HJV: variants seen among roughly 807,000 people sequenced by gnomAD.
HJV encodes the protein hemojuvelin.
Under a neutral mutation model 22.7 loss-of-function variants are expected in HJV, and 18 were observed. The observed-to-expected ratio is 0.79, with a 90% CI of 0.55 to 1.18. The LOEUF is 1.18. Ranked by LOEUF, HJV falls within the 50% of genes most tolerant of loss-of-function variation. The pLI is 0.00. For synonymous variants in HJV, 229 were observed against 222.7 expected (o/e 1.03, Z -0.25); for missense variants, 572 against 553.0 (o/e 1.03, Z -0.34).
Position 146,019,547 on chromosome 1 carries a change from G to A in HJV, c.285C>T (p.Arg95=). The part of the protein sequence containing the change: ...SYALCTRRTA[R]TCRGDLAFHS... ...GGAAGGCGAGGTCCCCGCGGCAGGT[G>A]CGGGCGGTGCGCCGAGTGCAGAGCG... Residue 95 remains arginine (R), a synonymous_variant, in exon 3 of 4, where the codon CGC becomes CGT. Transcript: ENST00000336751. The A allele has an allele frequency of 1.2e-6, 2 of 1,612,984 alleles. No individual in the cohort carries two copies. Among genetic ancestry groups the A allele is most frequent in the Non-Finnish European group, 1.7e-6 (2 of 1,179,948 alleles).
chr1:146,020,939 T>C lies in HJV; in HGVS notation c.-89-619A>G, dbSNP rs1652697041. ...GATGCAAACCAAACATGCAAATCAA[T>C]ATTTGTTTTTTCTAAGTCAACAGTT... is the stretch of plus-strand genomic sequence containing the variant. On this transcript the variant is annotated intron_variant, in intron 1 of 3. Coordinates refer to ENST00000336751, the MANE Select transcript of HJV (RefSeq NM_213653.4). Among the ~76,000 whole-genome samples the C allele has an allele frequency of 1.3e-5, 2 of 152,234 alleles. 1 individual carries two copies.
chr1:146,018,873 C>A (rs782288194), intron 3 of HJV, among the ~76,000 whole-genome samples, 173 bp from the exon 4 acceptor site: 8 of 152,186 alleles, frequency 5.3e-5, no homozygotes, highest in Non-Finnish European at 1.2e-4. Context: ...CCCTACTTAA[C>A]CCCCTCTCTA....
Position 146,018,555 on chromosome 1 carries a change from G to A in HJV, c.803C>T (p.Ala268Val). Residue 268 changes from alanine (A) to valine (V), a missense_variant, in exon 4 of 4, where the codon GCT becomes GTT. Ala to Val is a moderately conservative substitution (Grantham distance 64, BLOSUM62 0). Transcript: ENST00000336751. Reference protein sequence around the residue: ...PGGSSLSIQTANPGNHVEIQA... With the variant: ...PGGSSLSIQTVNPGNHVEIQA... ...GATCTCCACATGGTTCCCAGGGTTA[G>A]CAGTTTGAATCGACAAACTGGATCC... 1.9e-6 allele frequency: 3 copies of A among 1,614,206 alleles called. No homozygotes were observed. The highest frequency in any genetic ancestry group is 2.5e-6 in the Non-Finnish European group (3 of 1,180,034).
chr1:146,019,305 C>A lies in HJV; in HGVS notation c.527G>T (p.Arg176Leu). 1 of 1,613,884 alleles carries A rather than the reference C, an allele frequency of 6.2e-7. No homozygotes were observed. The highest frequency in any genetic ancestry group is 8.5e-7 in the Non-Finnish European group (1 of 1,180,040). Residue 176 changes from arginine (R) to leucine (L), a missense_variant, in exon 3 of 4, where the codon CGC becomes CTC. Transcript: ENST00000336751. ...HCASFGDPHV[R>L]SFHHHFHTCR... ...TGTGTGAAAGTGATGGTGGAAGCTG[C>A]GCACATGGGGGTCCCCGAAGGAAGC...
chr1:146,019,146 TG>T (rs1652536780), intron 3 of HJV, 28 bp downstream of exon 3: 1 of 1,550,336 alleles, frequency 6.5e-7, no homozygotes, highest in African/African-American at 1.4e-5. Context: ...TCTCATGAGG[TG>T]GATCGGAAGG....
Position 146,018,063 on chromosome 1 carries a change from G to A in HJV, c.*14C>T, listed in dbSNP as rs1478963375. 2 of 1,613,346 alleles carry A rather than the reference G, an allele frequency of 1.2e-6. No individual in the cohort carries two copies. Among genetic ancestry groups the A allele is most frequent in the African/African-American group, 1.3e-5 (1 of 74,836 alleles). On this transcript the variant is annotated 3_prime_UTR_variant, in exon 4 of 4. Coordinates refer to ENST00000336751, the MANE Select transcript of HJV (RefSeq NM_213653.4). ...CAAATCATTTCCAAACTAGTAATGG[G>A]ACTGATGGTCCCCTTACTGAATGCA...
Position 146,019,195 on chromosome 1 carries a change from T to A in HJV, c.637A>T (p.Asn213Tyr). 1 of 1,614,088 alleles carries A rather than the reference T, an allele frequency of 6.2e-7. No individual in the cohort carries two copies. The change falls in exon 3 of 4, where the codon AAC (asparagine) becomes TAC (tyrosine). Residue 213 changes from asparagine to tyrosine, a missense_variant. Physicochemically the swap from Asn to Tyr is moderately radical, Grantham distance 143. Transcript: ENST00000336751. ...CTGACCTTCCGGGTGGCGGTAGCGT[T>A]GGCCCCCAACGCCATGGGGGAGCTG... ...ATSSPMALGA[N>Y]ATATRKLTII...
chr1:146,018,750 C>T (rs1553769546), intron 3 of HJV, 50 bp from the exon 4 acceptor site: 5 of 1,591,420 alleles, frequency 3.1e-6, no homozygotes, highest in Non-Finnish European at 4.3e-6. Flanking sequence ...GTGCATCTTC[C>T]CCCCAATCAG....
At chr1:146,019,996 A>C in intron 2 of HJV, 139 bp downstream of exon 2, 1 of 813,666 alleles carries the variant, frequency 1.2e-6, no homozygotes, top group Non-Finnish European at 2.1e-6. Context: ...GGGAAATAAA[A>C]TATTAGTATT....
rs1652631057 is a variant in HJV, at chr1:146,020,119, C to T, written c.97+16G>A. The T allele has an allele frequency of 1.9e-6, 3 of 1,565,268 alleles. No homozygotes were observed. In the South Asian group the frequency reaches 3.3e-5, roughly 17 times the overall value. On this transcript the variant is annotated intron_variant, in intron 2 of 3. Transcript: ENST00000336751. ...CCCTCTAGATTTCCCCAAACCCTTC[C>T]CTGGCCCTTCCTTACCATGTCCACA...
rs371149391 is a variant in HJV at position 146,019,744 on chromosome 1, G to C, written c.98-10C>G. 4 of 1,613,922 alleles carry C rather than the reference G, an allele frequency of 2.5e-6. No individual in the cohort carries two copies. The African/African-American group carries it at 5.3e-5, about 22-fold the overall frequency. ...TTGCATTGAGAATGAGCTAAAGACA[G>C]AAGGGAGAGGATTGTGAGACGGTCC... On this transcript the variant is annotated splice_polypyrimidine_tract_variant and intron_variant, in intron 2 of 3. Coordinates refer to ENST00000336751, the MANE Select transcript of HJV (RefSeq NM_213653.4).
chr1:146,018,013 A>G lies in HJV; in HGVS notation c.*64T>C. The G allele has an allele frequency of 1.3e-6, 2 of 1,563,492 alleles. No homozygotes were observed. Among genetic ancestry groups the G allele is most frequent in the Non-Finnish European group, 1.8e-6 (2 of 1,136,482 alleles). ...CCTGCTTCCTTTAATGATTCTTTAC[A>G]TTCTTCTATGCCAATCTGTATCTCC... On this transcript the variant is annotated 3_prime_UTR_variant, in exon 4 of 4. Coordinates refer to ENST00000336751, the MANE Select transcript of HJV (RefSeq NM_213653.4).
intron 1 of HJV, among the ~76,000 whole-genome samples, chr1:146,021,302 G>A (rs76661919): frequency 6.6e-6 from 1 of 152,270 alleles, no homozygotes; most frequent in African/African-American, 2.4e-5. Context: ...ACAGAATAGA[G>A]GACGTAGGGA....
rs1164242171 is a variant in HJV, at chr1:146,017,911, T to C, written c.*166A>G. On this transcript the variant is annotated 3_prime_UTR_variant, in exon 4 of 4. Transcript: ENST00000336751. Reference sequence around the variant, plus strand: ...GCAGTAACCTTGCCCAGAATCCTTATTCTGTGATAATTTCAACCCTGGACT... The same window carrying C: ...GCAGTAACCTTGCCCAGAATCCTTACTCTGTGATAATTTCAACCCTGGACT... 3.9e-6 allele frequency: 3 copies of C among 766,954 alleles called. No homozygotes were observed. The South Asian group carries it at 5.4e-5, about 14-fold the overall frequency. The allele number at this position is 766,954 out of a possible 1,614,324, so 47.5% of individuals were successfully genotyped here. A position where few individuals can be genotyped will look rare whatever the true frequency, so the allele number is the denominator to read the frequency against.
rs782250040 is a variant in HJV at position 146,017,865 on chromosome 1, AG to A, written c.*211del. ...AATGAGGCTGGAAAAATTGGTGAAG[AG>A]CCCCACAGAGATCCGGAATGCAGTA... On this transcript the variant is annotated 3_prime_UTR_variant, in exon 4 of 4. Coordinates refer to ENST00000336751, the MANE Select transcript of HJV (RefSeq NM_213653.4). The A allele has an allele frequency of 8.4e-6, 5 of 596,690 alleles. No homozygotes were observed. Among genetic ancestry groups the A allele is most frequent in the Non-Finnish European group, 1.5e-5 (5 of 332,006 alleles). The allele number at this position is 596,690 out of a possible 1,614,324, so 37.0% of individuals were successfully genotyped here.
Position 146,020,123 on chromosome 1 carries a change from G to A in HJV, c.97+12C>T. On this transcript the variant is annotated intron_variant, in intron 2 of 3. Coordinates refer to ENST00000336751, the MANE Select transcript of HJV (RefSeq NM_213653.4). ...CTAGATTTCCCCAAACCCTTCCCTG[G>A]CCCTTCCTTACCATGTCCACAGAGG... 1 of 1,573,716 alleles carries A rather than the reference G, an allele frequency of 6.4e-7. No individual in the cohort carries two copies. Among genetic ancestry groups the A allele is most frequent in the Admixed American group, 1.7e-5 (1 of 59,934 alleles).
Position 146,017,932 on chromosome 1 carries a change from G to C in HJV, c.*145C>G, listed in dbSNP as rs1161389163. 4 of 897,592 alleles carry C rather than the reference G, an allele frequency of 4.5e-6. No individual in the cohort carries two copies. Among genetic ancestry groups the C allele is most frequent in the Non-Finnish European group, 7.0e-6 (4 of 570,642 alleles). The allele number at this position is 897,592 out of a possible 1,614,324, so 55.6% of individuals were successfully genotyped here. Reference sequence around the variant, plus strand: ...CTTATTCTGTGATAATTTCAACCCTGGACTGCAGCCTCATCTGACTCTGGA... The same window carrying C: ...CTTATTCTGTGATAATTTCAACCCTCGACTGCAGCCTCATCTGACTCTGGA... On this transcript the variant is annotated 3_prime_UTR_variant, in exon 4 of 4. Transcript: ENST00000336751.
chr1:146,020,113 C>T (rs1553769882), intron 2 of HJV, 22 bp downstream of exon 2: 3 of 1,542,112 alleles, frequency 1.9e-6, no homozygotes, highest in Non-Finnish European at 2.7e-6. Flanking sequence ...TTTCCCCAAA[C>T]CCTTCCCTGG....
Position 146,019,476 on chromosome 1 carries a change from C to T in HJV, c.356G>A (p.Cys119Tyr). The T allele has an allele frequency of 6.2e-7, 1 of 1,612,742 alleles. No individual in the cohort carries two copies. Among genetic ancestry groups the T allele is most frequent in the Non-Finnish European group, 8.5e-7 (1 of 1,179,872 alleles). Residue 119 changes from cysteine (C) to tyrosine (Y), a missense_variant, in exon 3 of 4, where the codon TGC becomes TAC. Cys to Tyr is a radical substitution (Grantham distance 194, BLOSUM62 -2). Transcript: ENST00000336751. ...AGGGGCTGTAGGGCCCTGGCGGGAG[C>T]AGTTGTGCTGGATCATCAGGTCTTC... ...GIEDLMIQHN[C>Y]SRQGPTAPPP...
Sources: allele counts gnomAD v4.1 joint callset (sites outside exome capture counted in the v4.1 genomes callset), GRCh38; gene constraint gnomAD v4.1.1; transcripts MANE v1.5; gene names NCBI Gene and HGNC (gene_info 2026-07-23, HGNC 2026-07-21).